The following NBEA variants were observed in gnomAD, a reference collection of about 807,000 sequenced individuals.
The protein encoded by NBEA is lysosomal-trafficking regulator 2.
NBEA carries 44 observed loss-of-function variants against 343.4 expected under a neutral mutation model. The ratio of observed to expected loss-of-function variants is 0.13; its 90% CI spans 0.10 to 0.16. The LOEUF (loss-of-function observed/expected upper bound fraction) is 0.16. NBEA is among the 10% of genes least tolerant of loss of function. The probability of loss-of-function intolerance (pLI) is 1.00; values close to 1 mark genes in which losing one functional copy is unlikely to be tolerated. For synonymous variants in NBEA, 1,175 were observed against 1,238.7 expected (o/e 0.95, Z 1.08); for missense variants, 2,555 against 3,631.3 (o/e 0.70, Z 7.62).
intron 1 of NBEA, among the ~76,000 whole-genome samples, chr13:35,009,624 G>A (rs1400765604): frequency 6.6e-6 from 1 of 152,150 alleles, no homozygotes; most frequent in East Asian, 1.9e-4. Flanking sequence ...GATTTTATTA[G>A]AACAGAGTTG....
At chr13:35,202,881 TA>T (rs1480609922) in intron 31 of NBEA, among the ~76,000 whole-genome samples, 3 of 152,298 alleles carry the variant, frequency 2.0e-5, no homozygotes, top group Middle Eastern at 3.4e-3. Context: ...TTCTGTTACT[TA>T]AGGCAAATTT....
At chr13:35,320,120 A>C (rs145944949) in intron 36 of NBEA, among the ~76,000 whole-genome samples, 89 of 152,250 alleles carry the variant, frequency 5.8e-4, no homozygotes, top group African/African-American at 2.1e-3. Context: ...GTTATGTGTG[A>C]ATTTGATCCT....
At chr13:35,164,258 C>T (rs1321898973) in intron 23 of NBEA, 98 bp from the exon 24 acceptor site, 4 of 993,462 alleles carry the variant, frequency 4.0e-6, no homozygotes, top group Admixed American at 3.4e-5. Flanking sequence ...ATATAGCTAG[C>T]TCCTACAGTT....
chr13:35,122,585 G>C (rs552359432), intron 16 of NBEA, among the ~76,000 whole-genome samples: 1 of 133,576 alleles, frequency 7.5e-6, no homozygotes, highest in Admixed American at 7.7e-5. Flanking sequence ...TCGGGGGAGG[G>C]GGGAGGGATA....
At chr13:35,050,233 C>G (rs1333376564) in intron 5 of NBEA, 36 bp from the exon 6 acceptor site, 2 of 1,581,074 alleles carry the variant, frequency 1.3e-6, no homozygotes, top group Non-Finnish European at 1.7e-6. Context: ...TTCTTTTTAT[C>G]AGAGGATATT....
At chr13:35,158,419 G>T (rs1239301832) in intron 21 of NBEA, among the ~76,000 whole-genome samples, 1 of 151,776 alleles carries the variant, frequency 6.6e-6, no homozygotes, top group Non-Finnish European at 1.5e-5. Flanking sequence ...AAATAGCAAA[G>T]AAAAAGACAT....
intron 34 of NBEA, among the ~76,000 whole-genome samples, chr13:35,278,107 A>AT (rs1263416773): frequency 3.4e-5 from 5 of 147,486 alleles, no homozygotes; most frequent in African/African-American, 1.2e-4. Flanking sequence ...ATATATATAT[A>AT]AAATATATAT....
At chr13:35,534,370 G>A (rs2078425701) in intron 41 of NBEA, among the ~76,000 whole-genome samples, 1 of 152,170 alleles carries the variant, frequency 6.6e-6, no homozygotes, top group Admixed American at 6.6e-5. Flanking sequence ...CTTCCTACTG[G>A]CTTCATTCAG....
rs138265912 is a variant in NBEA, at chr13:35,583,424, A to G, written c.7036-474A>G. ...ACTAACAGAATGAGACTAACATTCT[A>G]TCAGGCTTCCATATGGAGGGTTGTC... On this transcript the variant is annotated intron_variant, in intron 45 of 58. Coordinates refer to ENST00000379939, the MANE Select transcript of NBEA (RefSeq NM_001385012.1). Among the ~76,000 whole-genome samples the G allele has an allele frequency of 2.1e-3, 321 of 152,348 alleles. 1 individual carries two copies. Among genetic ancestry groups the G allele is most frequent in the African/African-American group, 7.4e-3 (307 of 41,586 alleles).
In NBEA at chr13:35,090,146, C is replaced by A. The variant is rs537332739; in HGVS notation, c.1572-8151C>A. Among the ~76,000 whole-genome samples, 4 of 151,772 alleles carry A rather than the reference C, an allele frequency of 2.6e-5. No individual in the cohort carries two copies. The East Asian group carries it at 7.8e-4, about 29-fold the overall frequency. On this transcript the variant is annotated intron_variant, in intron 10 of 58. Coordinates refer to ENST00000379939, the MANE Select transcript of NBEA (RefSeq NM_001385012.1). ...ATATGATATCAAATTAGCCATGAGA[C>A]CTTAGTGGCTTTATACAGTAAAGGT...
intron 1 of NBEA, among the ~76,000 whole-genome samples, chr13:34,978,655 T>A (rs949944187): frequency 6.6e-6 from 1 of 152,192 alleles, no homozygotes; most frequent in African/African-American, 2.4e-5. Context: ...GAGGTTTTTT[T>A]TTCCCACCAT....
At chr13:35,537,911 C>A (rs2078636471) in intron 41 of NBEA, among the ~76,000 whole-genome samples, 3 of 152,212 alleles carry the variant, frequency 2.0e-5, no homozygotes, top group Admixed American at 2.0e-4. Context: ...AGAACTTCTG[C>A]TGCCTTATGA....
Position 35,151,411 on chromosome 13 carries a change from C to T in NBEA, c.2446-4363C>T, listed in dbSNP as rs556164829. On this transcript the variant is annotated intron_variant, in intron 18 of 58. Transcript: ENST00000379939. ...ATACAAAATTAGCCAGGCGTGGTGG[C>T]GCATGCCTGTAATTACAGCTACTCA... Among the ~76,000 whole-genome samples, 63 of 151,656 alleles carry T rather than the reference C, an allele frequency of 4.2e-4. No homozygotes were observed. In the South Asian group the frequency reaches 6.3e-3, roughly 15 times the overall value.
intron 38 of NBEA, among the ~76,000 whole-genome samples, chr13:35,389,375 C>T (rs2042393247): frequency 6.6e-6 from 1 of 152,076 alleles, no homozygotes; most frequent in Non-Finnish European, 1.5e-5. Context: ...ATAACCGTTG[C>T]TTTTTCCCCC....
At chr13:34,962,673 AAAC>A (rs752741247) in intron 1 of NBEA, among the ~76,000 whole-genome samples, 1 of 152,112 alleles carries the variant, frequency 6.6e-6, no homozygotes, top group Non-Finnish European at 1.5e-5. Flanking sequence ...TTAATGAAAT[AAAC>A]AACTGCTTTT....
chr13:35,068,489 T>C (rs1375744028), intron 8 of NBEA, among the ~76,000 whole-genome samples: 1 of 152,162 alleles, frequency 6.6e-6, no homozygotes, highest in Non-Finnish European at 1.5e-5. Flanking sequence ...ATCTGTGTGT[T>C]TTAATTCAGT....
intron 38 of NBEA, among the ~76,000 whole-genome samples, chr13:35,394,723 A>G (rs2042663124): frequency 6.6e-6 from 1 of 152,030 alleles, no homozygotes; most frequent in Non-Finnish European, 1.5e-5. Flanking sequence ...TAAATTTGCA[A>G]ATTCTCTACC....
chr13:35,340,404 A>G (rs1428435065), intron 36 of NBEA, among the ~76,000 whole-genome samples: 4 of 152,126 alleles, frequency 2.6e-5, no homozygotes, highest in African/African-American at 4.8e-5. Context: ...TACCCAGAGT[A>G]GTGAAACTCA....
chr13:34,986,607 A>G lies in NBEA; in HGVS notation c.294+43493A>G, dbSNP rs1277485865. ...GATATCCTTGTTAACCTTTGGTCTC[A>G]TTGATCTGTCTAATATTGACAGTAG... is the stretch of plus-strand genomic sequence containing the variant. On this transcript the variant is annotated intron_variant, in intron 1 of 58. Transcript: ENST00000379939. Among the ~76,000 whole-genome samples, 3 of 150,788 alleles carry G rather than the reference A, an allele frequency of 2.0e-5. 1 individual carries two copies. The highest frequency in any genetic ancestry group is 4.5e-5 in the Non-Finnish European group (3 of 67,330).
Sources: allele counts gnomAD v4.1 joint callset (sites outside exome capture counted in the v4.1 genomes callset), GRCh38; gene constraint gnomAD v4.1.1; transcripts MANE v1.5; gene names NCBI Gene and HGNC (gene_info 2026-07-23, HGNC 2026-07-21).